Variants in TOMM70 observed in about 807,000 individuals in gnomAD.
TOMM70 encodes the protein mitochondrial import receptor subunit TOM70.
Under a neutral mutation model 73.6 loss-of-function variants are expected in TOMM70, and 13 were observed. The ratio of observed to expected loss-of-function variants is 0.18; its 90% CI spans 0.11 to 0.28. The LOEUF (loss-of-function observed/expected upper bound fraction) is 0.28. TOMM70 is among the 10% of genes least tolerant of loss of function. The probability of loss-of-function intolerance (pLI) is 1.00; values close to 1 mark genes in which losing one functional copy is unlikely to be tolerated. For synonymous variants in TOMM70, 257 were observed against 271.2 expected (o/e 0.95, Z 0.51); for missense variants, 609 against 747.5 (o/e 0.81, Z 2.16).
At chr3:100,368,191 TG>T in intron 10 of TOMM70, 25 bp from the exon 11 acceptor site, 7 of 1,608,252 alleles carry the variant, frequency 4.4e-6, no homozygotes, top group Non-Finnish European at 5.9e-6. Flanking sequence ...AAATGTCAGA[TG>T]TGACCATGGC....
At chr3:100,367,236 A>C (rs1298641091) in intron 11 of TOMM70, among the ~76,000 whole-genome samples, 1 of 152,142 alleles carries the variant, frequency 6.6e-6, no homozygotes, top group South Asian at 2.1e-4. Flanking sequence ...AAAAAAACTT[A>C]ATATTTACAT....
chr3:100,376,564 C>G (rs1295289041), intron 6 of TOMM70, among the ~76,000 whole-genome samples: 1 of 151,244 alleles, frequency 6.6e-6, no homozygotes, highest in African/African-American at 2.4e-5. Flanking sequence ...CAGCCAAGCA[C>G]AGAAGTCTGA....
chr3:100,366,682 T>C (rs1170159011), intron 11 of TOMM70, among the ~76,000 whole-genome samples: 2 of 152,268 alleles, frequency 1.3e-5, no homozygotes, highest in African/African-American at 4.8e-5. Flanking sequence ...AATTCACTTA[T>C]TTAATTGTAA....
chr3:100,376,253 C>T (rs1477823840), intron 6 of TOMM70, among the ~76,000 whole-genome samples: 1 of 151,938 alleles, frequency 6.6e-6, no homozygotes, highest in Non-Finnish European at 1.5e-5. Context: ...TATTGTTGAG[C>T]TCTAAGAGTT....
rs1275612719 is a variant in TOMM70, at chr3:100,369,249, G to T, written c.1453-114C>A. On this transcript the variant is annotated intron_variant, in intron 9 of 11. Coordinates refer to ENST00000284320, the MANE Select transcript of TOMM70 (RefSeq NM_014820.5). ...TCATTCATTATTACAAAATTATCACGTTTTGGGGATACAGACTGATTTACA... is the reference window on the plus strand; with the variant it reads ...TCATTCATTATTACAAAATTATCACTTTTTGGGGATACAGACTGATTTACA... The T allele has an allele frequency of 8.1e-6, 6 of 741,528 alleles. No homozygotes were observed. The Admixed American group carries it at 1.1e-4, about 14-fold the overall frequency. 45.9% of individuals were successfully genotyped at this position (741,528 alleles called of 1,614,324 possible). A position where few individuals can be genotyped will look rare whatever the true frequency, so the allele number is the denominator to read the frequency against.
At chr3:100,378,789 G>A (rs952025624) in intron 5 of TOMM70, among the ~76,000 whole-genome samples, 25 of 152,036 alleles carry the variant, frequency 1.6e-4, no homozygotes, top group African/African-American at 4.3e-4. Flanking sequence ...GGCGGATCAC[G>A]AGGTCAGGAG....
intron 1 of TOMM70, among the ~76,000 whole-genome samples, chr3:100,395,627 A>G (rs1182088840): frequency 2.0e-5 from 3 of 152,050 alleles, no homozygotes; most frequent in Non-Finnish European, 4.4e-5. Flanking sequence ...GAGCTGGAAA[A>G]TTTGAAAAAT....
chr3:100,384,612 G>A, intron 3 of TOMM70, 24 bp from the exon 4 acceptor site: 7 of 1,462,578 alleles, frequency 4.8e-6, no homozygotes, highest in South Asian at 1.4e-5. Flanking sequence ...AAAACACAAG[G>A]GTAAATATAA....
At chr3:100,389,469 GA>G (rs1706734342) in intron 1 of TOMM70, among the ~76,000 whole-genome samples, 2 of 152,300 alleles carry the variant, frequency 1.3e-5, no homozygotes, top group South Asian at 4.2e-4. Flanking sequence ...GCCCTGCATT[GA>G]AAGACTTTCA....
intron 6 of TOMM70, 84 bp from the exon 7 acceptor site, chr3:100,375,236 AATCCAC>A: frequency 1.4e-6 from 2 of 1,439,594 alleles, no homozygotes; most frequent in Non-Finnish European, 1.8e-6. Flanking sequence ...TTTTTTCTAT[AATCCAC>A]ATATCACAAA....
chr3:100,367,248 C>G (rs1363448190), intron 11 of TOMM70, among the ~76,000 whole-genome samples: 1 of 151,882 alleles, frequency 6.6e-6, no homozygotes, highest in Non-Finnish European at 1.5e-5. Context: ...TATTTACATG[C>G]CACTGTGGGT....
chr3:100,400,892 C>T lies in TOMM70; in HGVS notation c.58G>A (p.Gly20Arg), dbSNP rs1431589431. 6.5e-7 allele frequency: 1 copy of T among 1,530,888 alleles called. No homozygotes were observed. The highest frequency in any genetic ancestry group is 8.7e-7 in the Non-Finnish European group (1 of 1,145,616). The allele number at this position is 1,530,888 out of a possible 1,614,324, so 94.8% of individuals were successfully genotyped here. Residue 20 changes from glycine to arginine, a missense_variant, in exon 1 of 12, where the codon GGG becomes AGG. Gly to Arg is a moderately radical substitution (Grantham distance 125). Around this residue, in one of 2 missense-constraint regions of TOMM70, gnomAD observed 177 missense variants for 163.5 expected, o/e 1.08. Coordinates refer to ENST00000284320, the MANE Select transcript of TOMM70 (RefSeq NM_014820.5). ...AVVAAAVPSSGSGVGGGGTAG... is the reference protein window; with the variant it reads ...AVVAAAVPSSRSGVGGGGTAG... ...GTCCCGCCGCCGCCCACCCCACTCC[C>T]GGAGCTCGGTACAGCGGCTGCGACC... is the stretch of plus-strand genomic sequence containing the variant.
At chr3:100,374,800 T>G (rs530793284) in intron 7 of TOMM70, among the ~76,000 whole-genome samples, 2 of 152,306 alleles carry the variant, frequency 1.3e-5, no homozygotes, top group Non-Finnish European at 2.9e-5. Context: ...GTTTTTGCCT[T>G]CCTTTACTCT....
Position 100,364,081 on chromosome 3 carries a change from CAA to C in TOMM70, c.*1481_*1482del, listed in dbSNP as rs1172408078. Reference sequence around the variant, plus strand: ...TCTCCCCATCCTGAGTATTTCAAAACAAAAGACCCCTGAAGAACACAACCCTT... The same window carrying C: ...TCTCCCCATCCTGAGTATTTCAAAACAAGACCCCTGAAGAACACAACCCTT... On this transcript the variant is annotated 3_prime_UTR_variant, in exon 12 of 12. Transcript: ENST00000284320. 1 of 152,130 alleles carries C rather than the reference CAA, an allele frequency of 6.6e-6. No individual in the cohort carries two copies. The highest frequency in any genetic ancestry group is 1.5e-5 in the Non-Finnish European group (1 of 68,012). The allele number at this position is 152,130 out of a possible 1,614,324, so 9.4% of individuals were successfully genotyped here.
Position 100,375,152 on chromosome 3 carries a change from G to A in TOMM70, c.1093C>T (p.Leu365Phe). 6.3e-7 allele frequency: 1 copy of A among 1,590,506 alleles called. No homozygotes were observed. ...VISLKEANVK[L>F]RANALIKRGS... ...CTTTTGATGAGAGCATTTGCTCGAA[G>A]CTATATACCCCAAGTGAGGAAAGGT... The change falls in exon 7 of 12, where the codon CTT becomes TTT. Residue 365 changes from leucine to phenylalanine, a missense_variant and splice_region_variant. Physicochemically the swap from Leu to Phe is conservative, Grantham distance 22. Transcript: ENST00000284320.
chr3:100,372,713 C>T lies in TOMM70; in HGVS notation c.1345G>A (p.Ala449Thr), dbSNP rs771756199. The change falls in exon 9 of 12, where the codon GCA becomes ACA. Residue 449 changes from alanine (A) to threonine (T), a missense_variant. Transcript: ENST00000284320. Reference protein sequence around the residue: ...AQKCFALYRQAYTGNNSSQIQ... With the variant: ...AQKCFALYRQTYTGNNSSQIQ... ...TGTGAAGAGTTGTTTCCCGTATATG[C>T]CTGGCGGTACTATAAAAAATCAAAA... 1.2e-6 allele frequency: 2 copies of T among 1,612,594 alleles called. No homozygotes were observed. The highest frequency in any genetic ancestry group is 3.3e-5 in the Admixed American group (2 of 59,708).
intron 4 of TOMM70, among the ~76,000 whole-genome samples, chr3:100,383,366 C>CA (rs1027502628): frequency 2.2e-4 from 33 of 151,732 alleles, no homozygotes; most frequent in African/African-American, 8.0e-4. Context: ...TACTAAAGTA[C>CA]AAAAAAATTA....
chr3:100,399,156 C>G (rs1291433379), intron 1 of TOMM70, among the ~76,000 whole-genome samples: 1 of 151,958 alleles, frequency 6.6e-6, no homozygotes, highest in African/African-American at 2.4e-5. Flanking sequence ...GTGGCGCGCG[C>G]CTGTAGTCCC....
Position 100,366,188 on chromosome 3 carries a change from C to T in TOMM70, c.1674-471G>A, listed in dbSNP as rs553297111. Among the ~76,000 whole-genome samples, 9 of 152,272 alleles carry T rather than the reference C, an allele frequency of 5.9e-5. No homozygotes were observed. In the East Asian group the frequency reaches 1.3e-3, roughly 23 times the overall value. Reference sequence around the variant, plus strand: ...CCTTCACAGACTGATGTGGGCCCACCTCTTTCTGTTTCATCTCTTACCAGC... The same window carrying T: ...CCTTCACAGACTGATGTGGGCCCACTTCTTTCTGTTTCATCTCTTACCAGC... On this transcript the variant is annotated intron_variant, in intron 11 of 11. Transcript: ENST00000284320.
Sources: gnomAD v4.1 joint callset for allele counts (sites outside exome capture counted in the v4.1 genomes callset) on GRCh38, gnomAD v4.1.1 for gene constraint, gnomAD v4.1.1 regional missense constraint, MANE v1.5 for transcripts, NCBI Gene and HGNC (gene_info 2026-07-23, HGNC 2026-07-21) for gene names.